The following XPO4 variants were observed in gnomAD, a reference collection of about 807,000 sequenced individuals.
XPO4 encodes the protein exportin 4, also known as exportin-4.
XPO4 carries 39 observed loss-of-function variants against 143.0 expected under a neutral mutation model. The observed-to-expected ratio is 0.27, with a 90% CI of 0.21 to 0.36. XPO4 has a LOEUF of 0.36. Among genes scored for constraint, XPO4 ranks in the 10% least tolerant of loss-of-function variants. The pLI is 1.00. For missense variants in XPO4, 907 were observed against 1,348.0 expected (o/e 0.67, Z 5.12); for synonymous variants, 439 against 474.0 (o/e 0.93, Z 0.96).
chr13:20,818,219 A>C (rs2059674477), intron 9 of XPO4, among the ~76,000 whole-genome samples: 1 of 152,266 alleles, frequency 6.6e-6, no homozygotes, highest in Non-Finnish European at 1.5e-5. Flanking sequence ...AAATAATATC[A>C]AGAAACTTCT....
chr13:20,896,408 A>G (rs2060569914), intron 1 of XPO4, among the ~76,000 whole-genome samples: 1 of 152,182 alleles, frequency 6.6e-6, no homozygotes, highest in South Asian at 2.1e-4. Context: ...GCTCTTTTAT[A>G]TTCTGCAAAT....
intron 9 of XPO4, among the ~76,000 whole-genome samples, chr13:20,814,452 T>C (rs2059624099): frequency 6.6e-6 from 1 of 152,266 alleles, no homozygotes; most frequent in African/African-American, 2.4e-5. Flanking sequence ...AGTAAGACTA[T>C]GGACTTCTAA....
chr13:20,892,594 C>G (rs971498094), intron 1 of XPO4, among the ~76,000 whole-genome samples: 68 of 152,244 alleles, frequency 4.5e-4, no homozygotes, highest in African/African-American at 1.3e-3. Flanking sequence ...GGTCCCTGAA[C>G]AAATATACAT....
intron 1 of XPO4, among the ~76,000 whole-genome samples, chr13:20,894,102 A>G (rs914494964): frequency 1.3e-5 from 2 of 152,184 alleles, no homozygotes; most frequent in Non-Finnish European, 2.9e-5. Context: ...TCAGCCTCCC[A>G]AAGTGCTGGG....
intron 6 of XPO4, among the ~76,000 whole-genome samples, chr13:20,839,952 C>T (rs2059956968): frequency 6.6e-6 from 1 of 151,850 alleles, no homozygotes; most frequent in African/African-American, 2.4e-5. Flanking sequence ...CACTGCACTC[C>T]AGCCTAGGCA....
At chr13:20,887,607 C>T (rs1322308809) in intron 1 of XPO4, among the ~76,000 whole-genome samples, 1 of 152,156 alleles carries the variant, frequency 6.6e-6, no homozygotes, top group East Asian at 1.9e-4. Flanking sequence ...GTAATCCCAG[C>T]ACTTTGGGAG....
chr13:20,890,494 CAGA>C (rs1177585590), intron 1 of XPO4, among the ~76,000 whole-genome samples: 1 of 150,982 alleles, frequency 6.6e-6, no homozygotes, highest in Admixed American at 6.6e-5. Flanking sequence ...ATTTACAAAT[CAGA>C]AGAAATACGC....
At chr13:20,887,109 T>A (rs2060468476) in intron 1 of XPO4, among the ~76,000 whole-genome samples, 1 of 152,062 alleles carries the variant, frequency 6.6e-6, no homozygotes, top group Admixed American at 6.6e-5. Flanking sequence ...GCAAACAAAT[T>A]TATTGTGATA....
At chr13:20,861,295 C>CT (rs1491098132) in intron 3 of XPO4, among the ~76,000 whole-genome samples, 1 of 65,326 alleles carries the variant, frequency 1.5e-5, no homozygotes, top group African/African-American at 5.5e-5. Context: ...GATAGTTTTC[C>CT]TCTTTTTTTT....
chr13:20,825,023 G>A (rs981180335), intron 7 of XPO4, among the ~76,000 whole-genome samples: 1 of 152,164 alleles, frequency 6.6e-6, no homozygotes, highest in African/African-American at 2.4e-5. Context: ...ACAGGAAAGT[G>A]TACAGAGTCA....
chr13:20,796,086 GAA>G lies in XPO4; in HGVS notation c.2785_2786del (p.Phe929GlnfsTer2). The G allele has an allele frequency of 6.2e-7, 1 of 1,610,548 alleles. No individual in the cohort carries two copies. The highest frequency in any genetic ancestry group is 8.5e-7 in the Non-Finnish European group (1 of 1,178,224). The part of the protein sequence containing the change: ...TNLLSKEFID[F>X]SDTDEVFRGH... ...CACGTTACATTTTACCTGTATCACT[GAA>G]ATCTATGAATTCTTTTGACAGCAGG... On this transcript the variant is annotated frameshift_variant, in exon 18 of 23. Coordinates refer to ENST00000255305, the MANE Select transcript of XPO4 (RefSeq NM_022459.5). LOFTEE classifies it high-confidence loss of function.
chr13:20,812,093 G>A (rs762192579), intron 9 of XPO4, among the ~76,000 whole-genome samples: 13 of 152,120 alleles, frequency 8.5e-5, no homozygotes, highest in Admixed American at 2.0e-4. Flanking sequence ...AGGAGGAGCC[G>A]GGCATGGTGG....
Position 20,848,357 on chromosome 13 carries a change from CTG to C in XPO4, c.457-4473_457-4472del, listed in dbSNP as rs2060048203. ...GTCCAAGATTTCCTTCTTCAAATAACTGTGGTCAAAGCCCTTCATGTACCTTG... is the reference window on the plus strand; with the variant it reads ...GTCCAAGATTTCCTTCTTCAAATAACTGGTCAAAGCCCTTCATGTACCTTG... On this transcript the variant is annotated intron_variant, in intron 4 of 22. Transcript: ENST00000255305. 58 of 985,380 alleles carry C rather than the reference CTG, an allele frequency of 5.9e-5. No individual in the cohort carries two copies. The South Asian group carries it at 2.5e-3, about 42-fold the overall frequency. 61.0% of individuals were successfully genotyped at this position (985,380 alleles called of 1,614,324 possible).
At position 20,794,001 on chromosome 13, in the gene XPO4, T is replaced by C. The variant is rs189674583; in HGVS notation, c.2797+2075A>G. 1.1e-3 allele frequency among the ~76,000 whole-genome samples: 174 copies of C among 152,294 alleles called. 1 individual carries two copies. Among genetic ancestry groups the C allele is most frequent in the Non-Finnish European group, 1.9e-3 (130 of 68,020 alleles). On this transcript the variant is annotated intron_variant, in intron 18 of 22. Coordinates refer to ENST00000255305, the MANE Select transcript of XPO4 (RefSeq NM_022459.5). ...AGGGGCCTTCAAGGTAGGAAGAAGATGGAAGATTCTAAAAACTGGCCACAG... is the reference window on the plus strand; with the variant it reads ...AGGGGCCTTCAAGGTAGGAAGAAGACGGAAGATTCTAAAAACTGGCCACAG...
At chr13:20,795,310 T>C (rs541076805) in intron 18 of XPO4, among the ~76,000 whole-genome samples, 61 of 152,274 alleles carry the variant, frequency 4.0e-4, no homozygotes, top group Non-Finnish European at 5.9e-4. Flanking sequence ...ACTATACACA[T>C]ATATGAGGTT....
chr13:20,867,564 A>AG (rs2060255154), intron 2 of XPO4, among the ~76,000 whole-genome samples: 1 of 152,094 alleles, frequency 6.6e-6, no homozygotes, highest in Non-Finnish European at 1.5e-5. Flanking sequence ...TGACTTCCTC[A>AG]AGGTGCACCA....
intron 1 of XPO4, among the ~76,000 whole-genome samples, chr13:20,901,222 C>A (rs888966537): frequency 2.6e-5 from 4 of 152,224 alleles, no homozygotes; most frequent in Non-Finnish European, 5.9e-5. Flanking sequence ...TACTACTATT[C>A]TTCTCACCTA....
chr13:20,783,554 C>T lies in XPO4; in HGVS notation c.*168G>A, dbSNP rs1270875963. On this transcript the variant is annotated 3_prime_UTR_variant, in exon 23 of 23. Transcript: ENST00000255305. ...AACACTTAACAGCAGAAGCTGATGC[C>T]AAGTTGACCTCTCCTGTTTCACTGT... The T allele has an allele frequency of 3.1e-6, 2 of 647,688 alleles. No homozygotes were observed. The highest frequency in any genetic ancestry group is 1.9e-5 in the South Asian group (1 of 51,640). 40.1% of individuals were successfully genotyped at this position (647,688 alleles called of 1,614,324 possible). A position where few individuals can be genotyped will look rare whatever the true frequency, so the allele number is the denominator to read the frequency against.
intron 1 of XPO4, chr13:20,869,660 A>G (rs2060276132): frequency 1.3e-6 from 1 of 746,656 alleles, no homozygotes; most frequent in African/African-American, 1.9e-5. Context: ...AAATAATAAA[A>G]AAAAAAGTTA....
Sources: gnomAD v4.1 joint callset for allele counts (sites outside exome capture counted in the v4.1 genomes callset) on GRCh38, gnomAD v4.1.1 for gene constraint, MANE v1.5 for transcripts, NCBI Gene and HGNC (gene_info 2026-07-23, HGNC 2026-07-21) for gene names.